SLC16A3: variants seen among roughly 807,000 people sequenced by gnomAD.
SLC16A3 encodes the protein solute carrier family 16 member 3.
Under a neutral mutation model 25.0 loss-of-function variants are expected in SLC16A3, and 22 were observed. That is an observed-to-expected ratio of 0.88 (90% CI 0.63 to 1.26). The LOEUF is 1.26. SLC16A3 is among the 50% of genes most tolerant of loss of function. The pLI is 0.00. For missense variants in SLC16A3, 731 were observed against 666.6 expected (o/e 1.10, Z -1.06); for synonymous variants, 390 against 309.2 (o/e 1.26, Z -2.74).
At position 82,239,011 on chromosome 17, in the gene SLC16A3, G is replaced by A. The variant is rs375320634; in HGVS notation, c.*35G>A. ...CGGGGCCGGCAGGCACAGGGAGGAGGTACAGAAGCCGGCAACGCTTGCTAT... is the reference window on the plus strand; with the variant it reads ...CGGGGCCGGCAGGCACAGGGAGGAGATACAGAAGCCGGCAACGCTTGCTAT... On this transcript the variant is annotated 3_prime_UTR_variant, in exon 5 of 5. Coordinates refer to ENST00000582743, the MANE Select transcript of SLC16A3 (RefSeq NM_004207.4). 8 of 1,488,656 alleles carry A rather than the reference G, an allele frequency of 5.4e-6. No homozygotes were observed. Among genetic ancestry groups the A allele is most frequent in the East Asian group, 4.7e-5 (2 of 42,402 alleles). 92.2% of individuals were successfully genotyped at this position (1,488,656 alleles called of 1,614,324 possible).
At chr17:82,227,511 C>T (rs1350456975), upstream of SLC16A3, among the ~76,000 whole-genome samples, 5 of 152,108 alleles carry the variant, frequency 3.3e-5, no homozygotes, top group African/African-American at 1.2e-4. Context: ...CACGGTGCCT[C>T]GCACCCCTCT....
At chr17:82,238,139 G>C (rs948728745) in intron 4 of SLC16A3, among the ~76,000 whole-genome samples, 1 of 152,188 alleles carries the variant, frequency 6.6e-6, no homozygotes, top group African/African-American at 2.4e-5. Context: ...GCCCGGGGGG[G>C]GGCAGCTCCT....
intron 4 of SLC16A3, among the ~76,000 whole-genome samples, chr17:82,238,173 C>A (rs577100308): frequency 1.3e-5 from 2 of 152,338 alleles, no homozygotes; most frequent in South Asian, 4.1e-4. Flanking sequence ...GGGCACCACG[C>A]GGCAGCTCCA....
Position 82,235,449 on chromosome 17 carries a change from C to T in SLC16A3, c.-26-534C>T, listed in dbSNP as rs548860380. The T allele has an allele frequency of 8.0e-5, 13 of 163,330 alleles. No homozygotes were observed. In the South Asian group the frequency reaches 1.8e-3, roughly 23 times the overall value. 10.1% of individuals were successfully genotyped at this position (163,330 alleles called of 1,614,324 possible). ...TTGGGCAAGCTCCTGGTGGGCTCCACTGAAGCCAAAGTGGGCCCTTGGGGG... is the reference window on the plus strand; with the variant it reads ...TTGGGCAAGCTCCTGGTGGGCTCCATTGAAGCCAAAGTGGGCCCTTGGGGG... On this transcript the variant is annotated intron_variant, in intron 1 of 4. Transcript: ENST00000582743.
chr17:82,221,774 C>T (rs1436536160), intron 1 of SLC16A3, among the ~76,000 whole-genome samples: 2 of 152,066 alleles, frequency 1.3e-5, no homozygotes, highest in Admixed American at 6.5e-5. Flanking sequence ...TGTGGCAGCA[C>T]GGGCCTGGAG....
chr17:82,234,216 G>C (rs1438398442), intron 1 of SLC16A3: 1 of 152,298 alleles, frequency 6.6e-6, no homozygotes, highest in African/African-American at 2.4e-5. Flanking sequence ...AACAATACCA[G>C]TATGAGCGGG....
intron 1 of SLC16A3, among the ~76,000 whole-genome samples, chr17:82,221,453 G>T (rs1032795608): frequency 6.6e-6 from 1 of 152,022 alleles, no homozygotes; most frequent in Non-Finnish European, 1.5e-5. Context: ...TATCGTCCCA[G>T]CTACTTGGGA....
Position 82,238,710 on chromosome 17 carries a change from C to T in SLC16A3, c.1132C>T (p.Leu378=), listed in dbSNP as rs768057067. The stretch of plus-strand genomic sequence containing the variant: ...ACGGGGTCTTCCCGCAGGCAAACTC[C>T]TGGATGCGACCCACGTCTACATGTA... ...LVGPPSGGKL[L]DATHVYMYVF... Residue 378 remains leucine, a synonymous_variant, in exon 5 of 5, where the codon CTG becomes TTG. Transcript: ENST00000582743. 2.5e-6 allele frequency: 4 copies of T among 1,609,512 alleles called. No individual in the cohort carries two copies. The highest frequency in any genetic ancestry group is 1.7e-5 in the Admixed American group (1 of 59,796).
chr17:82,219,038 T>A (rs576343566), intron 1 of SLC16A3, among the ~76,000 whole-genome samples: 56 of 152,010 alleles, frequency 3.7e-4, no homozygotes, highest in Non-Finnish European at 6.9e-4. Flanking sequence ...CTCTAGGACG[T>A]TTCGGGGTTA....
rs1318290538 is a variant in SLC16A3 at position 82,239,754 on chromosome 17, CTG to C, written c.*782_*783del. 1 of 391,482 alleles carries C rather than the reference CTG, an allele frequency of 2.6e-6. No homozygotes were observed. 24.3% of individuals were successfully genotyped at this position (391,482 alleles called of 1,614,324 possible). A position where few individuals can be genotyped will look rare whatever the true frequency, so the allele number is the denominator to read the frequency against. Reference sequence around the variant, plus strand: ...GTGGAACAAGCCACTTTATTCACTGCTGTGTTTAAGAAACAGGACCCTCCTGC... The same window carrying C: ...GTGGAACAAGCCACTTTATTCACTGCTGTTTAAGAAACAGGACCCTCCTGC... On this transcript the variant is annotated 3_prime_UTR_variant, in exon 5 of 5. Coordinates refer to ENST00000582743, the MANE Select transcript of SLC16A3 (RefSeq NM_004207.4).
intron 2 of SLC16A3, 113 bp from the exon 3 acceptor site, chr17:82,236,616 G>T: frequency 6.9e-7 from 1 of 1,456,702 alleles, no homozygotes; most frequent in South Asian, 1.3e-5. Context: ...GGTGCCCCGC[G>T]GGGGGAGGGG....
At chr17:82,219,602 C>T (rs1483209819) in intron 1 of SLC16A3, among the ~76,000 whole-genome samples, 3 of 152,096 alleles carry the variant, frequency 2.0e-5, no homozygotes, top group African/African-American at 7.2e-5. Context: ...TGCCGGTGGC[C>T]GCCCCTGAGC....
chr17:82,221,152 A>C (rs1350763269), intron 1 of SLC16A3, among the ~76,000 whole-genome samples: 1 of 152,192 alleles, frequency 6.6e-6, no homozygotes, highest in East Asian at 1.9e-4. Context: ...AACACAAGCA[A>C]CATAAGAAAC....
At chr17:82,233,170 G>A (rs1368986315) in intron 1 of SLC16A3, among the ~76,000 whole-genome samples, 1 of 152,200 alleles carries the variant, frequency 6.6e-6, no homozygotes, top group East Asian at 1.9e-4. Flanking sequence ...AAGCCATGTG[G>A]GCAGACAGCT....
At chr17:82,225,254 C>G (rs961234655), upstream of SLC16A3, among the ~76,000 whole-genome samples, 2 of 151,938 alleles carry the variant, frequency 1.3e-5, no homozygotes, top group Non-Finnish European at 2.9e-5. Flanking sequence ...GAGTGAGACT[C>G]TGTCAAAAAA....
At chr17:82,228,482 TA>T (rs1186066436), upstream of SLC16A3, 1 of 152,328 alleles carries the variant, frequency 6.6e-6, no homozygotes, top group Admixed American at 6.5e-5. Context: ...GCCGCTCCCC[TA>T]GCCAGGAAGA....
chr17:82,238,808 T>C lies in SLC16A3; in HGVS notation c.1230T>C (p.Ile410=). The change falls in exon 5 of 5, where the codon ATT becomes ATC. Residue 410 remains isoleucine (I), a synonymous_variant. Coordinates refer to ENST00000582743, the MANE Select transcript of SLC16A3 (RefSeq NM_004207.4). ...TGCTGCTGGGCAACTTCTTCTGCAT[T>C]AGGAAGAAGCCCAAAGAGCCACAGC... is the stretch of plus-strand genomic sequence containing the variant. ...LILLLGNFFC[I]RKKPKEPQPE... is the part of the protein sequence containing the mutation. The C allele has an allele frequency of 6.2e-7, 1 of 1,612,772 alleles. No individual in the cohort carries two copies. The highest frequency in any genetic ancestry group is 8.5e-7 in the Non-Finnish European group (1 of 1,179,940).
Position 82,238,702 on chromosome 17 carries a change from G to A in SLC16A3, c.1124G>A (p.Gly375Asp), listed in dbSNP as rs1476362059. Reference protein sequence around the residue: ...VAVLVGPPSGGKLLDATHVYM... With the variant: ...VAVLVGPPSGDKLLDATHVYM... ...TGGGACTGACGGGGTCTTCCCGCAG[G>A]CAAACTCCTGGATGCGACCCACGTC... The change falls in exon 5 of 5, where the codon GGC (glycine) becomes GAC (aspartate). Residue 375 changes from glycine to aspartate, a missense_variant and splice_region_variant. By Grantham distance (94) the Gly-to-Asp change is moderately conservative. Transcript: ENST00000582743. 1 of 1,606,062 alleles carries A rather than the reference G, an allele frequency of 6.2e-7. No homozygotes were observed. Among genetic ancestry groups the A allele is most frequent in the Non-Finnish European group, 8.5e-7 (1 of 1,175,980 alleles).
rs28362483 is a variant in SLC16A3, at chr17:82,235,976, C to T, written c.-26-7C>T. 8.6e-5 allele frequency: 135 copies of T among 1,575,404 alleles called. 1 individual carries two copies. In the East Asian group the frequency reaches 3.0e-3, roughly 35 times the overall value. Reference sequence around the variant, plus strand: ...GGCAGCCTGAGTCAGCCTGCTTTCTCTCTCAGGTGAGGCGGAACCAACCCT... The same window carrying T: ...GGCAGCCTGAGTCAGCCTGCTTTCTTTCTCAGGTGAGGCGGAACCAACCCT... On this transcript the variant is annotated splice_region_variant and splice_polypyrimidine_tract_variant and intron_variant, in intron 1 of 4. Coordinates refer to ENST00000582743, the MANE Select transcript of SLC16A3 (RefSeq NM_004207.4).
Sources: allele counts gnomAD v4.1 joint callset (sites outside exome capture counted in the v4.1 genomes callset), GRCh38; gene constraint gnomAD v4.1.1; transcripts MANE v1.5; gene names NCBI Gene and HGNC (gene_info 2026-07-23, HGNC 2026-07-21).